Variants in ZNF454 observed in about 807,000 individuals in gnomAD.
ZNF454 encodes zinc finger protein 454.
Under a neutral mutation model 48.2 loss-of-function variants are expected in ZNF454, and 30 were observed. The observed-to-expected ratio is 0.62, with a 90% CI of 0.47 to 0.84. The LOEUF (loss-of-function observed/expected upper bound fraction) is 0.84. Among genes scored for constraint, ZNF454 ranks in the 40% least tolerant of loss-of-function variants. ZNF454 has a pLI of 0.00. For missense variants in ZNF454, 510 were observed against 623.1 expected, an observed-to-expected ratio of 0.82 and a Z score of 1.93; for synonymous variants, 204 against 211.4, an observed-to-expected ratio of 0.97 and a Z score of 0.30.
chr5:178,964,654 G>A lies in ZNF454; in HGVS notation c.251-1G>A. 6.2e-7 allele frequency: 1 copy of A among 1,609,528 alleles called. No individual in the cohort carries two copies. ...ACATTTTTATTTTTAATGTCTTTCA[G>A]ACTGGATGACTATGCCTGCCAGTAA... On this transcript the variant is annotated splice_acceptor_variant, in intron 4 of 4. Coordinates refer to ENST00000519564, the MANE Select transcript of ZNF454 (RefSeq NM_001178089.3). LOFTEE classifies it high-confidence loss of function.
Position 178,941,498 on chromosome 5 carries a change from G to C in ZNF454, c.-108+54G>C, listed in dbSNP as rs922672758. 4.6e-5 allele frequency: 21 copies of C among 456,686 alleles called. No homozygotes were observed. The highest frequency in any genetic ancestry group is 3.6e-4 in the African/African-American group (18 of 50,192). The allele number at this position is 456,686 out of a possible 1,614,324, so 28.3% of individuals were successfully genotyped here. A position where few individuals can be genotyped will look rare whatever the true frequency, so the allele number is the denominator to read the frequency against. ...GAGGACGGCCAGGGGTGGTCATCCT[G>C]GGCTGAGGGTCGAGTCTGTGAGTGC... On this transcript the variant is annotated intron_variant, in intron 1 of 4. Transcript: ENST00000519564. This position sits in a 1 kb window ranked among gnomAD's most constrained non-coding sequence, Gnocchi z 5.5.
Position 178,946,387 on chromosome 5 carries a change from T to A in ZNF454, c.62T>A (p.Ile21Lys). 6.2e-7 allele frequency: 1 copy of A among 1,613,166 alleles called. No homozygotes were observed. The highest frequency in any genetic ancestry group is 8.5e-7 in the Non-Finnish European group (1 of 1,179,628). Reference protein sequence around the residue: ...QESVTFKDVAILFTQEEWGQL... With the variant: ...QESVTFKDVAKLFTQEEWGQL... ...TCGGTGACCTTCAAGGATGTGGCTA[T>A]ACTGTTCACCCAGGAAGAGTGGGGG... The change falls in exon 3 of 5, where the codon ATA becomes AAA. Residue 21 changes from isoleucine (I) to lysine (K), a missense_variant. Coordinates refer to ENST00000519564, the MANE Select transcript of ZNF454 (RefSeq NM_001178089.3). The surrounding 1 kb of genome is among the most constrained non-coding windows in gnomAD (Gnocchi z 4.5).
the ZNF454 span, chr5:178,986,834 T>C: frequency 6.2e-7 from 1 of 1,613,570 alleles, no homozygotes; most frequent in African/African-American, 1.3e-5. Context: ...GTCTGCACAC[T>C]CACATCCAGT....
intron 2 of ZNF454, among the ~76,000 whole-genome samples, chr5:178,945,128 C>T (rs1469717784): frequency 6.0e-5 from 7 of 116,624 alleles, no homozygotes; most frequent in Middle Eastern, 5.2e-3. Flanking sequence ...TGCATGTGTG[C>T]GTGTGTGTCG....
intron 2 of ZNF454, 39 bp downstream of exon 2, chr5:178,942,863 T>C: frequency 6.2e-7 from 1 of 1,602,648 alleles, no homozygotes; most frequent in African/African-American, 1.3e-5. Context: ...GCTTTCTGGA[T>C]TTGAAGAGTG....
At chr5:178,983,219 C>G in the ZNF454 span, 2 of 1,611,122 alleles carry the variant, frequency 1.2e-6, no homozygotes, top group Admixed American at 3.3e-5. Context: ...TCATCCCCAC[C>G]ACCTGCAGGA....
Position 178,944,674 on chromosome 5 carries a change from C to T in ZNF454, c.34-1685C>T, listed in dbSNP as rs1222047375. Among the ~76,000 whole-genome samples, 1 of 152,234 alleles carries T rather than the reference C, an allele frequency of 6.6e-6. No homozygotes were observed. Among genetic ancestry groups the T allele is most frequent in the Admixed American group, 6.5e-5 (1 of 15,280 alleles). On this transcript the variant is annotated intron_variant, in intron 2 of 4. Transcript: ENST00000519564. The surrounding 1 kb of genome is among the most constrained non-coding windows in gnomAD (Gnocchi z 4.1). ...TCCCCCAAATGCAAAGGCAAAGACA[C>T]AGCTAGATGTTGACTGTGGAAGTGG...
At chr5:178,943,176 C>T (rs1006136027) in intron 2 of ZNF454, among the ~76,000 whole-genome samples, 16 of 152,106 alleles carry the variant, frequency 1.1e-4, no homozygotes, top group Non-Finnish European at 1.9e-4. Context: ...ATATCTGAGG[C>T]TGGGGAATTG....
chr5:178,987,493 T>A, the ZNF454 span: 3 of 455,466 alleles, frequency 6.6e-6, no homozygotes, highest in Non-Finnish European at 1.3e-5. Context: ...AGGAAGGCAG[T>A]TCTGACCCAT....
chr5:178,964,708 G>A lies in ZNF454; in HGVS notation c.304G>A (p.Glu102Lys). ...KKSTVKAEIP[E>K]EELDQWTIKE... ...ATCTACTGTCAAGGCAGAGATTCCT[G>A]AAGAAGAATTGGATCAATGGACAAT... The change falls in exon 5 of 5, where the codon GAA becomes AAA. Residue 102 changes from glutamate (E) to lysine (K), a missense_variant. Coordinates refer to ENST00000519564, the MANE Select transcript of ZNF454 (RefSeq NM_001178089.3). The A allele has an allele frequency of 6.2e-7, 1 of 1,614,216 alleles. No homozygotes were observed. The highest frequency in any genetic ancestry group is 2.2e-5 in the East Asian group (1 of 44,884).
chr5:178,983,548 A>C, the ZNF454 span: 2 of 517,048 alleles, frequency 3.9e-6, no homozygotes, highest in East Asian at 4.7e-5. Flanking sequence ...GCCATTACCA[A>C]TGCCATTTAC....
intron 4 of ZNF454, among the ~76,000 whole-genome samples, chr5:178,951,771 GGGAGTT>G (rs1759565663): frequency 6.6e-6 from 1 of 152,060 alleles, no homozygotes; most frequent in African/African-American, 2.4e-5. Context: ...GACCTTGTTT[GGGAGTT>G]TCTTTGCGTG....
chr5:178,973,304 T>A, the ZNF454 span, among the ~76,000 whole-genome samples: 1 of 152,192 alleles, frequency 6.6e-6, no homozygotes, highest in Non-Finnish European at 1.5e-5. Context: ...GCTTTGTATT[T>A]CAAATTTCCA....
intron 4 of ZNF454, among the ~76,000 whole-genome samples, chr5:178,958,768 G>A (rs1759881178): frequency 6.6e-6 from 1 of 152,134 alleles, no homozygotes; most frequent in African/African-American, 2.4e-5. Flanking sequence ...TACCATTCTA[G>A]AGGATGTATG....
the ZNF454 span, chr5:178,982,706 A>AG: frequency 7.0e-5 from 37 of 530,456 alleles, no homozygotes; most frequent in African/African-American, 6.6e-4. Flanking sequence ...AAAAAAAAAG[A>AG]AAAAAAGAAG....
the ZNF454 span, among the ~76,000 whole-genome samples, chr5:178,975,484 T>C: frequency 1.3e-5 from 2 of 152,220 alleles, no homozygotes; most frequent in African/African-American, 4.8e-5. Context: ...CACTACACTA[T>C]TCTGCATGTA....
chr5:178,987,205 G>T, the ZNF454 span: 1 of 681,788 alleles, frequency 1.5e-6, no homozygotes, highest in Middle Eastern at 2.5e-4. Flanking sequence ...TGGAGAAGTC[G>T]GAACCCTTGT....
At chr5:178,989,372 T>C in the ZNF454 span, 1 of 1,614,006 alleles carries the variant, frequency 6.2e-7, no homozygotes, top group Non-Finnish European at 8.5e-7. Flanking sequence ...GCGGTTGTTC[T>C]CCAGGGATCG....
At chr5:178,961,825 A>G (rs963500337) in intron 4 of ZNF454, among the ~76,000 whole-genome samples, 21 of 151,538 alleles carry the variant, frequency 1.4e-4, no homozygotes, top group African/African-American at 4.8e-4. Flanking sequence ...CTCAAAAAAA[A>G]AAAAAAAATT....
Sources: gnomAD v4.1 joint callset for allele counts (sites outside exome capture counted in the v4.1 genomes callset) on GRCh38, gnomAD v4.1.1 for gene constraint, Gnocchi (gnomAD v3.1) non-coding constraint, MANE v1.5 for transcripts, NCBI Gene and HGNC (gene_info 2026-07-23, HGNC 2026-07-21) for gene names.